The following COPS4 variants were observed in gnomAD, a reference collection of about 807,000 sequenced individuals.
COPS4 encodes the protein COP9 signalosome complex subunit 4.
In COPS4, 8 loss-of-function variants were observed where a neutral mutation model predicts 55.1. The ratio of observed to expected loss-of-function variants is 0.15; its 90% CI spans 0.09 to 0.26. The LOEUF is 0.26. Ranked by LOEUF, COPS4 falls within the 10% of genes least tolerant of loss-of-function variation. COPS4 has a pLI of 1.00. For missense variants in COPS4, 248 were observed against 484.0 expected (o/e 0.51, Z 4.58); for synonymous variants, 185 against 165.7 (o/e 1.12, Z -0.90).
chr4:83,068,392 TA>T, intron 8 of COPS4, 45 bp from the exon 9 acceptor site: 1 of 1,309,294 alleles, frequency 7.6e-7, no homozygotes, highest in Non-Finnish European at 1.1e-6. Context: ...TGTGAATAAC[TA>T]AAAGATATGA....
At chr4:83,048,058 T>C (rs1217463314) in intron 2 of COPS4, among the ~76,000 whole-genome samples, 5 of 152,176 alleles carry the variant, frequency 3.3e-5, no homozygotes, top group Non-Finnish European at 7.4e-5. Flanking sequence ...AGCAATAGTT[T>C]ACAAGAATGA....
chr4:83,035,290 G>A lies in COPS4; in HGVS notation c.66G>A (p.Leu22=). The A allele has an allele frequency of 5.1e-6, 8 of 1,560,726 alleles. No homozygotes were observed. The highest frequency in any genetic ancestry group is 6.1e-6 in the Non-Finnish European group (7 of 1,145,964). ...LMNSSGSHKD[L]AGKYRQILEK... ...ATTCGAGCGGCTCTCATAAAGATCT[G>A]GCTGGCAAGTGAGTATTTCCCAGGA... is the stretch of plus-strand genomic sequence containing the variant. Residue 22 remains leucine, a synonymous_variant, in exon 1 of 10, where the codon CTG becomes CTA. Coordinates refer to ENST00000264389, the MANE Select transcript of COPS4 (RefSeq NM_016129.3).
At chr4:83,044,412 T>G (rs1578704682) in intron 1 of COPS4, among the ~76,000 whole-genome samples, 1 of 126,626 alleles carries the variant, frequency 7.9e-6, no homozygotes, top group Non-Finnish European at 1.6e-5. Flanking sequence ...GCCAGTGCAC[T>G]CCAGCCTGGG....
At position 83,049,329 on chromosome 4, in the gene COPS4, G is replaced by A; in HGVS notation, c.306+12G>A. 6.4e-7 allele frequency: 1 copy of A among 1,563,782 alleles called. No individual in the cohort carries two copies. Among genetic ancestry groups the A allele is most frequent in the Non-Finnish European group, 8.6e-7 (1 of 1,161,896 alleles). ...CATTTGAGGAGCAGGTAAAAATCTAGAGAAGTGGTTTTTTAACTTGAGATA... is the reference window on the plus strand; with the variant it reads ...CATTTGAGGAGCAGGTAAAAATCTAAAGAAGTGGTTTTTTAACTTGAGATA... On this transcript the variant is annotated intron_variant, in intron 3 of 9. Coordinates refer to ENST00000264389, the MANE Select transcript of COPS4 (RefSeq NM_016129.3).
At chr4:83,044,935 A>G (rs1245802977) in intron 1 of COPS4, among the ~76,000 whole-genome samples, 1 of 152,230 alleles carries the variant, frequency 6.6e-6, no homozygotes, top group Non-Finnish European at 1.5e-5. Flanking sequence ...AAAACACAAG[A>G]ATTCCTGTCC....
At chr4:83,041,431 A>C (rs1332158096) in intron 1 of COPS4, among the ~76,000 whole-genome samples, 1 of 152,118 alleles carries the variant, frequency 6.6e-6, no homozygotes, top group East Asian at 1.9e-4. Context: ...TTCTCTTTGT[A>C]TACTGAGTAC....
intron 1 of COPS4, among the ~76,000 whole-genome samples, chr4:83,040,760 C>CTTTTTTTTTTTTTTTTTT (rs34207990): frequency 1.2e-5 from 1 of 84,888 alleles, no homozygotes. Flanking sequence ...TTTATGTTGG[C>CTTTTTTTTTTTTTTTTTT]TTTTTTTTTT....
intron 9 of COPS4, among the ~76,000 whole-genome samples, chr4:83,068,764 G>A (rs1172439969): frequency 1.3e-5 from 2 of 152,176 alleles, no homozygotes; most frequent in African/African-American, 4.8e-5. Context: ...GAGGTCAGGA[G>A]TTTGAGATCA....
intron 9 of COPS4, 56 bp downstream of exon 9, chr4:83,068,578 G>T (rs1156320206): frequency 9.1e-7 from 1 of 1,098,682 alleles, no homozygotes; most frequent in African/African-American, 1.6e-5. Flanking sequence ...TGTTATATTT[G>T]TGATTAAAAC....
chr4:83,044,835 G>C (rs964468505), intron 1 of COPS4, among the ~76,000 whole-genome samples: 1 of 152,126 alleles, frequency 6.6e-6, no homozygotes, highest in Non-Finnish European at 1.5e-5. Flanking sequence ...CTAACCACTC[G>C]TTAAGAAATA....
At chr4:83,067,767 A>G (rs951857690) in intron 8 of COPS4, among the ~76,000 whole-genome samples, 1 of 152,204 alleles carries the variant, frequency 6.6e-6, no homozygotes, top group Non-Finnish European at 1.5e-5. Context: ...TTAAGTTACC[A>G]TTAAAAGAGA....
At chr4:83,064,003 C>T (rs1439335527) in intron 7 of COPS4, among the ~76,000 whole-genome samples, 1 of 152,138 alleles carries the variant, frequency 6.6e-6, no homozygotes, top group African/African-American at 2.4e-5. Context: ...CCTGGCAATA[C>T]AATCCTTTTA....
intron 4 of COPS4, among the ~76,000 whole-genome samples, chr4:83,050,309 G>GT (rs1306225288): frequency 3.3e-5 from 5 of 151,936 alleles, no homozygotes; most frequent in Non-Finnish European, 7.4e-5. Context: ...TGTTGTTGTT[G>GT]TTTTTTGTGA....
chr4:83,036,261 C>A (rs1212621278), intron 1 of COPS4, among the ~76,000 whole-genome samples: 1 of 7,158 alleles, frequency 1.4e-4, no homozygotes, highest in Non-Finnish European at 3.3e-4. Flanking sequence ...TAGTGAGACC[C>A]CCCCCCCCGC....
At chr4:83,066,656 C>T (rs765273393) in intron 8 of COPS4, 103 bp downstream of exon 8, 1 of 606,464 alleles carries the variant, frequency 1.6e-6, no homozygotes, top group Non-Finnish European at 2.9e-6. Context: ...TATTATCTTC[C>T]AACAAAATAA....
intron 4 of COPS4, among the ~76,000 whole-genome samples, chr4:83,052,036 G>A (rs1447997660): frequency 6.6e-6 from 1 of 152,170 alleles, no homozygotes; most frequent in Non-Finnish European, 1.5e-5. Context: ...TTAACTGTTG[G>A]CATTAGTAGT....
chr4:83,045,497 TAAAGA>T (rs1730684150), intron 1 of COPS4, 124 bp from the exon 2 acceptor site: 1 of 608,706 alleles, frequency 1.6e-6, no homozygotes, highest in East Asian at 2.9e-5. Flanking sequence ...TGGTATACTA[TAAAGA>T]AAACCACAAA....
chr4:83,048,344 A>G (rs1472078143), intron 2 of COPS4, among the ~76,000 whole-genome samples: 8 of 152,232 alleles, frequency 5.3e-5, no homozygotes, highest in Admixed American at 5.2e-4. Context: ...CAATACATCT[A>G]GTGCTCACTG....
In COPS4 at chr4:83,066,430, T is replaced by C; in HGVS notation, c.887-8T>C. On this transcript the variant is annotated splice_polypyrimidine_tract_variant and splice_region_variant and intron_variant, in intron 7 of 9. Coordinates refer to ENST00000264389, the MANE Select transcript of COPS4 (RefSeq NM_016129.3). ...TTCAAACTTGTAACTGTCTTATTTA[T>C]GTTTAAGGTTCCAGCATCTTGGACA... 1 of 1,412,596 alleles carries C rather than the reference T, an allele frequency of 7.1e-7. No individual in the cohort carries two copies. Among genetic ancestry groups the C allele is most frequent in the Non-Finnish European group, 9.7e-7 (1 of 1,030,104 alleles). The allele number at this position is 1,412,596 out of a possible 1,614,324, so 87.5% of individuals were successfully genotyped here.
Sources: gnomAD v4.1 joint callset for allele counts (sites outside exome capture counted in the v4.1 genomes callset) on GRCh38, gnomAD v4.1.1 for gene constraint, MANE v1.5 for transcripts, NCBI Gene and HGNC (gene_info 2026-07-23, HGNC 2026-07-21) for gene names.